Variants in MBP observed in about 807,000 individuals in gnomAD.
MBP encodes the protein myelin basic protein, also known as Golli-MBP.
A neutral mutation model predicts 35.8 loss-of-function variants in MBP; 16 were observed. The observed-to-expected ratio is 0.45, with a 90% CI of 0.30 to 0.68. The LOEUF (loss-of-function observed/expected upper bound fraction) is 0.68. MBP is among the 30% of genes least tolerant of loss of function. The pLI is 0.08. For missense variants in MBP, 380 were observed against 404.7 expected (o/e 0.94, Z 0.52); for synonymous variants, 143 against 159.6 (o/e 0.90, Z 0.78).
At chr18:77,029,193 G>A (rs867862256) in intron 3 of MBP, among the ~76,000 whole-genome samples, 46 of 138,742 alleles carry the variant, frequency 3.3e-4, no homozygotes, top group Non-Finnish European at 4.1e-4. Context: ...CGGATCACTC[G>A]CGGTTAGGAG....
chr18:76,996,709 G>T (rs1287671322), intron 4 of MBP, among the ~76,000 whole-genome samples: 1 of 152,106 alleles, frequency 6.6e-6, no homozygotes, highest in African/African-American at 2.4e-5. Context: ...GGGGCAGGGA[G>T]TGGAGGGAGG....
In MBP at chr18:77,101,967, G is replaced by A. The variant is rs1386476820; in HGVS notation, c.51+3244C>T. On this transcript the variant is annotated intron_variant, in intron 2 of 8. Coordinates refer to ENST00000355994, the MANE Select transcript of MBP (RefSeq NM_001025101.2). The surrounding 1 kb of genome is among the most constrained non-coding windows in gnomAD (Gnocchi z 4.3). ...CATCTGTAAGCCAGTTATGTGCTGG[G>A]GATGCTCCAGGCTTAGAGACGGAGG... 1.3e-5 allele frequency among the ~76,000 whole-genome samples: 2 copies of A among 152,148 alleles called. No homozygotes were observed. The highest frequency in any genetic ancestry group is 2.4e-5 in the African/African-American group (1 of 41,418).
At chr18:77,130,179 G>A (rs1977193723) in intron 1 of MBP, among the ~76,000 whole-genome samples, 1 of 152,144 alleles carries the variant, frequency 6.6e-6, no homozygotes, top group African/African-American at 2.4e-5. Flanking sequence ...AATCATTCTT[G>A]AAAGGAAACC....
intron 3 of MBP, among the ~76,000 whole-genome samples, chr18:77,031,714 C>A (rs1972548031): frequency 2.0e-5 from 3 of 152,256 alleles, no homozygotes; most frequent in Admixed American, 6.5e-5. Flanking sequence ...AGACCATCAG[C>A]CTCTTGGCAC....
At chr18:77,133,307 G>T (rs371852606), upstream of MBP, among the ~76,000 whole-genome samples, 385 of 152,332 alleles carry the variant, frequency 2.5e-3, 5 homozygotes, top group African/African-American at 8.9e-3. Context: ...ATGTCCGGCT[G>T]GCAGGTGCTC....
rs532976248 is a variant in MBP at position 77,095,981 on chromosome 18, G to A, written c.51+9230C>T. Reference sequence around the variant, plus strand: ...CATAAAGCAGCTGTGAGCCAGTGATGGCTTAAAATATAATTATTTTTCATT... The same window carrying A: ...CATAAAGCAGCTGTGAGCCAGTGATAGCTTAAAATATAATTATTTTTCATT... On this transcript the variant is annotated intron_variant, in intron 2 of 8. Coordinates refer to ENST00000355994, the MANE Select transcript of MBP (RefSeq NM_001025101.2). Among the ~76,000 whole-genome samples the A allele has an allele frequency of 1.4e-4, 22 of 152,310 alleles. No individual in the cohort carries two copies. In the South Asian group the frequency reaches 4.1e-3, roughly 29 times the overall value.
chr18:77,049,793 C>T (rs1003064317), intron 3 of MBP, among the ~76,000 whole-genome samples: 21 of 152,118 alleles, frequency 1.4e-4, no homozygotes, highest in African/African-American at 4.3e-4. Flanking sequence ...AATTCTCCTG[C>T]CTCAGCTTCC....
chr18:77,106,530 C>T (rs982489954), intron 1 of MBP, among the ~76,000 whole-genome samples: 2 of 152,118 alleles, frequency 1.3e-5, no homozygotes, highest in African/African-American at 4.8e-5. Context: ...CTGGAAACCC[C>T]ACCCACCTTC....
chr18:77,115,606 C>T (rs1976636083), intron 1 of MBP: 1 of 152,378 alleles, frequency 6.6e-6, no homozygotes, highest in South Asian at 2.1e-4. Context: ...TGGATCAGAG[C>T]CCATCTTCTG....
intron 2 of MBP, among the ~76,000 whole-genome samples, chr18:77,098,164 CTTCCTT>C (rs1173757426): frequency 1.3e-5 from 1 of 75,300 alleles, no homozygotes; most frequent in African/African-American, 4.2e-5. Context: ...GACACAAGGA[CTTCCTT>C]TTTTTTTTTT....
At chr18:77,127,213 C>T (rs1468189297) in intron 1 of MBP, 1 of 152,138 alleles carries the variant, frequency 6.6e-6, no homozygotes, top group Non-Finnish European at 1.5e-5. Context: ...ATAGAGAACC[C>T]AGAAATAGAC....
At chr18:77,027,271 G>A (rs1296109907) in intron 3 of MBP, among the ~76,000 whole-genome samples, 1 of 152,180 alleles carries the variant, frequency 6.6e-6, no homozygotes, top group Non-Finnish European at 1.5e-5. Context: ...AATGGGAAGA[G>A]CCTGTCCTCA....
rs1031297836 is a variant in MBP, at chr18:77,041,679, CA to C, written c.140-24412del. Among the ~76,000 whole-genome samples the C allele has an allele frequency of 3.2e-3, 485 of 150,070 alleles. 2 individuals carry two copies. The highest frequency in any genetic ancestry group is 0.011 in the African/African-American group (462 of 40,770). ...CATTCTCAGCAAACTATCACAAGCA[CA>C]AAAAACCAAACACCGCGTGTTCTCA... On this transcript the variant is annotated intron_variant, in intron 3 of 8. Transcript: ENST00000355994.
chr18:77,098,883 C>A (rs1975880655), intron 2 of MBP, among the ~76,000 whole-genome samples: 2 of 152,182 alleles, frequency 1.3e-5, no homozygotes, highest in African/African-American at 4.8e-5. Flanking sequence ...GCAATCCTTA[C>A]AACTGCATTT....
At position 77,105,170 on chromosome 18, in the gene MBP, G is replaced by C. The variant is rs1269547706; in HGVS notation, c.51+41C>G. On this transcript the variant is annotated intron_variant, in intron 2 of 8. Coordinates refer to ENST00000355994, the MANE Select transcript of MBP (RefSeq NM_001025101.2). ...CACCAAGGGGATTTGTGTTTAATAAGAAAACAACATGCACATGTTTCGGAT... is the reference window on the plus strand; with the variant it reads ...CACCAAGGGGATTTGTGTTTAATAACAAAACAACATGCACATGTTTCGGAT... 3.7e-6 allele frequency: 6 copies of C among 1,603,640 alleles called. No individual in the cohort carries two copies. The East Asian group carries it at 1.3e-4, about 36-fold the overall frequency.
At chr18:77,081,584 A>C (rs983484786) in intron 2 of MBP, among the ~76,000 whole-genome samples, 1 of 152,092 alleles carries the variant, frequency 6.6e-6, no homozygotes, top group Non-Finnish European at 1.5e-5. Context: ...ATTCATGTAC[A>C]TTGCTAGTGG....
chr18:77,078,316 C>T (rs564713912), intron 2 of MBP, among the ~76,000 whole-genome samples: 7 of 152,316 alleles, frequency 4.6e-5, no homozygotes, highest in South Asian at 2.1e-4. Flanking sequence ...TCAACCGCCA[C>T]GTTCCCTCCC....
chr18:77,029,687 T>G (rs926869402), intron 3 of MBP, among the ~76,000 whole-genome samples: 3 of 152,108 alleles, frequency 2.0e-5, no homozygotes, highest in Non-Finnish European at 4.4e-5. Context: ...GCTTTAAAAG[T>G]AGTATGTTTT....
intron 2 of MBP, among the ~76,000 whole-genome samples, chr18:77,093,716 G>T (rs1975635524): frequency 6.6e-6 from 1 of 152,194 alleles, no homozygotes; most frequent in Non-Finnish European, 1.5e-5. Flanking sequence ...ATATCACTAA[G>T]AAATTCTGCA....
Sources: allele counts gnomAD v4.1 joint callset (sites outside exome capture counted in the v4.1 genomes callset), GRCh38; gene constraint gnomAD v4.1.1; non-coding constraint Gnocchi (gnomAD v3.1); transcripts MANE v1.5; gene names NCBI Gene and HGNC (gene_info 2026-07-23, HGNC 2026-07-21).